The following SLCO3A1 variants were observed in gnomAD, a reference collection of about 807,000 sequenced individuals.
SLCO3A1 encodes the protein PGE1 transporter.
Under a neutral mutation model 63.1 loss-of-function variants are expected in SLCO3A1, and 27 were observed. The observed-to-expected ratio is 0.43, with a 90% CI of 0.32 to 0.59. The LOEUF (loss-of-function observed/expected upper bound fraction) is 0.59, where lower values mean the gene tolerates loss of function less well. Among genes scored for constraint, SLCO3A1 ranks in the 20% least tolerant of loss-of-function variants. SLCO3A1 has a pLI of 0.09. For missense variants in SLCO3A1, 773 were observed against 945.8 expected, an observed-to-expected ratio of 0.82 and a Z score of 2.40; for synonymous variants, 473 against 409.9, an observed-to-expected ratio of 1.15 and a Z score of -1.86.
chr15:92,056,041 A>T (rs12911711), intron 2 of SLCO3A1, among the ~76,000 whole-genome samples: 98,996 of 151,782 alleles, frequency 0.65, 32,946 homozygotes, highest in Admixed American at 0.79. Context: ...GTGCCAGTCT[A>T]GGTGGTATTT....
intron 2 of SLCO3A1, among the ~76,000 whole-genome samples, chr15:91,926,598 C>CGCGCGCGCGT (rs1555450185): frequency 2.3e-4 from 6 of 25,580 alleles, no homozygotes; most frequent in African/African-American, 1.3e-3. Context: ...TGTGTGTGTG[C>CGCGCGCGCGT]GCGCGCGCAC....
Position 92,108,442 on chromosome 15 carries a change from G to A in SLCO3A1, c.1009+3900G>A, listed in dbSNP as rs769115996. On this transcript the variant is annotated intron_variant, in intron 4 of 9. Coordinates refer to ENST00000318445, the MANE Select transcript of SLCO3A1 (RefSeq NM_013272.4). ...TTCCTACATGGTAAGCCGTGTGTGG[G>A]CAAGACTGCACCTAGTGTGCTGAAT... is the stretch of plus-strand genomic sequence containing the variant. Among the ~76,000 whole-genome samples, 8 of 152,150 alleles carry A rather than the reference G, an allele frequency of 5.3e-5. 1 individual carries two copies. The highest frequency in any genetic ancestry group is 1.2e-4 in the Non-Finnish European group (8 of 68,030).
intron 7 of SLCO3A1, among the ~76,000 whole-genome samples, chr15:92,140,665 G>C (rs2048119352): frequency 6.6e-6 from 1 of 152,162 alleles, no homozygotes; most frequent in East Asian, 1.9e-4. Flanking sequence ...GGGGGCTCCT[G>C]TATTGGGTGC....
chr15:92,038,531 G>A (rs8038377), intron 2 of SLCO3A1, among the ~76,000 whole-genome samples: 119,785 of 151,982 alleles, frequency 0.79, 47,370 homozygotes, highest in Admixed American at 0.89. Flanking sequence ...AATACCTAGG[G>A]ATACAGCTAA....
At chr15:91,984,544 T>G (rs2046026631) in intron 2 of SLCO3A1, among the ~76,000 whole-genome samples, 1 of 152,212 alleles carries the variant, frequency 6.6e-6, no homozygotes, top group African/African-American at 2.4e-5. Flanking sequence ...CCAACAATAC[T>G]TTATCAATTT....
At position 92,000,394 on chromosome 15, in the gene SLCO3A1, C is replaced by CT. The variant is rs548728965; in HGVS notation, c.646+83945dup. Among the ~76,000 whole-genome samples, 1,237 of 145,530 alleles carry CT rather than the reference C, an allele frequency of 8.5e-3. 14 individuals are homozygous for CT. The highest frequency in any genetic ancestry group is 0.014 in the Middle Eastern group (4 of 284). On this transcript the variant is annotated intron_variant, in intron 2 of 9. Transcript: ENST00000318445. ...GCTTTAACTCTGTAATGTTTTTTTC[C>CT]TTTTTTTTTAAAAAAAAAAAAAGAA...
At chr15:91,908,757 TAAAAAAA>T (rs543497302) in intron 1 of SLCO3A1, 6 of 128,532 alleles carry the variant, frequency 4.7e-5, no homozygotes, top group Admixed American at 4.0e-4. Flanking sequence ...TTAATGGAAT[TAAAAAAA>T]AAAAAAAAAA....
chr15:92,059,435 C>T (rs1397304061), intron 2 of SLCO3A1, among the ~76,000 whole-genome samples: 1 of 152,196 alleles, frequency 6.6e-6, no homozygotes, highest in African/African-American at 2.4e-5. Flanking sequence ...GTGTCACATT[C>T]CCCATGCTTC....
At chr15:91,956,615 C>T (rs977763407) in intron 2 of SLCO3A1, among the ~76,000 whole-genome samples, 5 of 151,656 alleles carry the variant, frequency 3.3e-5, no homozygotes, top group African/African-American at 1.2e-4. Flanking sequence ...AGAGAAAGAA[C>T]CTTTCTGCCT....
chr15:92,109,246 C>T (rs1362126961), intron 4 of SLCO3A1, among the ~76,000 whole-genome samples: 12 of 152,120 alleles, frequency 7.9e-5, no homozygotes, highest in African/African-American at 2.9e-4. Context: ...CATTTGAACC[C>T]GGGCGAAGGC....
chr15:92,059,823 C>T (rs575782058), intron 2 of SLCO3A1, among the ~76,000 whole-genome samples: 1 of 152,326 alleles, frequency 6.6e-6, no homozygotes, highest in South Asian at 2.1e-4. Flanking sequence ...GTCAGTCATG[C>T]ATGGCTTAAT....
chr15:92,011,393 A>C (rs758794879), intron 2 of SLCO3A1, among the ~76,000 whole-genome samples: 43 of 152,214 alleles, frequency 2.8e-4, no homozygotes, highest in Non-Finnish European at 4.7e-4. Flanking sequence ...ACAATGCCTT[A>C]TTGTTGACTG....
chr15:92,120,330 ACTGGGT>A, intron 4 of SLCO3A1, 129 bp from the exon 5 acceptor site: 1 of 824,734 alleles, frequency 1.2e-6, no homozygotes, highest in Non-Finnish European at 1.8e-6. Flanking sequence ...GGCCTTAGCA[ACTGGGT>A]ACCTCTGGAT....
At chr15:92,131,421 A>G (rs1364596666) in intron 7 of SLCO3A1, among the ~76,000 whole-genome samples, 3 of 108,902 alleles carry the variant, frequency 2.8e-5, no homozygotes, top group African/African-American at 6.2e-5. Flanking sequence ...CTGGAGTGCA[A>G]TGGCACAACC....
At chr15:92,166,224 G>A (rs2048492736), downstream of SLCO3A1, among the ~76,000 whole-genome samples, 1 of 152,164 alleles carries the variant, frequency 6.6e-6, no homozygotes, top group Non-Finnish European at 1.5e-5. Flanking sequence ...GCTCCAGAAG[G>A]CCACAGCATG....
intron 1 of SLCO3A1, among the ~76,000 whole-genome samples, chr15:91,906,147 C>T (rs532086734): frequency 1.3e-5 from 2 of 152,246 alleles, no homozygotes; most frequent in East Asian, 1.9e-4. Context: ...TGTCAGAATA[C>T]GTAAAGCGCT....
In SLCO3A1 at chr15:91,869,786, G is replaced by GA. The variant is rs201408603; in HGVS notation, c.180+15704dup. On this transcript the variant is annotated intron_variant, in intron 1 of 9. Transcript: ENST00000318445. ...AAAACATCATCTTGGGGGTTGTGTGGAAAAAACTGCAGTTTGGATTGGAAA... is the reference window on the plus strand; with the variant it reads ...AAAACATCATCTTGGGGGTTGTGTGGAAAAAAACTGCAGTTTGGATTGGAAA... Among the ~76,000 whole-genome samples the GA allele has an allele frequency of 6.8e-3, 1,041 of 152,194 alleles. 17 individuals are homozygous for GA. The highest frequency in any genetic ancestry group is 0.023 in the African/African-American group (974 of 41,534).
At chr15:91,978,611 T>G (rs1901211748) in intron 2 of SLCO3A1, among the ~76,000 whole-genome samples, 1 of 152,264 alleles carries the variant, frequency 6.6e-6, no homozygotes, top group Non-Finnish European at 1.5e-5. Flanking sequence ...TTTCTTACTT[T>G]TCCCTCTCTA....
intron 8 of SLCO3A1, chr15:92,149,763 G>T (rs1264867290): frequency 6.6e-6 from 1 of 152,172 alleles, no homozygotes; most frequent in African/African-American, 2.4e-5. Flanking sequence ...TGCTCACTTT[G>T]TTCCTAGTGA....
Sources: allele counts gnomAD v4.1 joint callset (sites outside exome capture counted in the v4.1 genomes callset), GRCh38; gene constraint gnomAD v4.1.1; transcripts MANE v1.5; gene names NCBI Gene and HGNC (gene_info 2026-07-23, HGNC 2026-07-21).